The following MAGI2 variants were observed in gnomAD, a reference collection of about 807,000 sequenced individuals.
MAGI2 encodes membrane-associated guanylate kinase, WW and PDZ domain-containing protein 2.
In MAGI2, 35 loss-of-function variants were observed where a neutral mutation model predicts 133.3. The ratio of observed to expected loss-of-function variants is 0.26; its 90% CI spans 0.20 to 0.35. MAGI2 has a LOEUF of 0.35. Ranked by LOEUF, MAGI2 falls within the 10% of genes least tolerant of loss-of-function variation. The pLI is 1.00. For missense variants in MAGI2, 1,636 were observed against 1,863.4 expected, an observed-to-expected ratio of 0.88 and a Z score of 2.25; for synonymous variants, 729 against 710.6, an observed-to-expected ratio of 1.03 and a Z score of -0.41.
chr7:78,019,609 CGCCGCGTCT>C lies in MAGI2; in HGVS notation c.4065_4073del (p.Asp1359_Ala1361del), dbSNP rs1302912997. On this transcript the variant is annotated inframe_deletion, in exon 22 of 22. Transcript: ENST00000354212. ...CCTTCCCGCCCGCCCGCGCCGCGTC[CGCCGCGTCT>C]GCCGCCGCGAGCCCGGGCGCCCTGG... The C allele has an allele frequency of 4.1e-6, 4 of 983,338 alleles. No individual in the cohort carries two copies. The African/African-American group carries it at 7.1e-5, about 17-fold the overall frequency. 60.9% of individuals were successfully genotyped at this position (983,338 alleles called of 1,614,324 possible).
At chr7:79,330,114 G>A (rs1839955819) in intron 1 of MAGI2, among the ~76,000 whole-genome samples, 1 of 145,722 alleles carries the variant, frequency 6.9e-6, no homozygotes, top group Non-Finnish European at 1.5e-5. Flanking sequence ...CAAACTAAAC[G>A]TGCCATGAAG....
chr7:79,341,068 A>C (rs1272660576), intron 1 of MAGI2, among the ~76,000 whole-genome samples: 2 of 152,206 alleles, frequency 1.3e-5, no homozygotes, highest in Non-Finnish European at 2.9e-5. Context: ...ACAGGACTCT[A>C]GTGGAAAGAT....
At chr7:78,895,720 T>TTA (rs1797162074) in intron 2 of MAGI2, among the ~76,000 whole-genome samples, 1 of 152,188 alleles carries the variant, frequency 6.6e-6, no homozygotes. Context: ...ATCTGCATAT[T>TTA]CAAAAGGTTG....
rs1417746422 is a variant in MAGI2, at chr7:78,543,311, G to T, written c.539-21666C>A. On this transcript the variant is annotated intron_variant, in intron 3 of 21. Transcript: ENST00000354212. ...TCACAATGAACAGCTATTCAGTTCA[G>T]CTCCGTAATGACATTACTAGAGACA... is the stretch of plus-strand genomic sequence containing the variant. 2.6e-5 allele frequency among the ~76,000 whole-genome samples: 4 copies of T among 152,178 alleles called. No individual in the cohort carries two copies. In the East Asian group the frequency reaches 5.8e-4, roughly 22 times the overall value.
intron 2 of MAGI2, among the ~76,000 whole-genome samples, chr7:79,005,840 T>C (rs1314801780): frequency 6.6e-6 from 1 of 152,200 alleles, no homozygotes; most frequent in Non-Finnish European, 1.5e-5. Context: ...TGCACTTTTC[T>C]CAACTTCCAG....
At chr7:78,382,609 A>G (rs73701459) in intron 6 of MAGI2, among the ~76,000 whole-genome samples, 7,459 of 152,198 alleles carry the variant, frequency 0.049, 457 homozygotes, top group East Asian at 0.19. Context: ...TATATAATGC[A>G]TAGTGATCAA....
chr7:79,036,208 T>C (rs1027203723), intron 1 of MAGI2, among the ~76,000 whole-genome samples: 1 of 152,210 alleles, frequency 6.6e-6, no homozygotes, highest in East Asian at 1.9e-4. Flanking sequence ...TAGCATCTCA[T>C]TTCATCTAAA....
At chr7:79,446,434 C>A (rs1172505470) in intron 1 of MAGI2, among the ~76,000 whole-genome samples, 2 of 151,874 alleles carry the variant, frequency 1.3e-5, no homozygotes, top group Non-Finnish European at 2.9e-5. Context: ...CAAAGTATAG[C>A]AAGTATTTAG....
intron 1 of MAGI2, among the ~76,000 whole-genome samples, chr7:79,063,583 G>C (rs982264706): frequency 6.6e-6 from 1 of 151,896 alleles, no homozygotes; most frequent in African/African-American, 2.4e-5. Flanking sequence ...CAAAGGCATG[G>C]TTTTATTAAT....
chr7:78,916,543 A>G (rs1303966023), intron 2 of MAGI2, among the ~76,000 whole-genome samples: 1 of 152,156 alleles, frequency 6.6e-6, no homozygotes, highest in Non-Finnish European at 1.5e-5. Context: ...AATTCACCCT[A>G]TTTGAGGGTC....
At chr7:78,375,146 T>C (rs1056324715) in intron 6 of MAGI2, among the ~76,000 whole-genome samples, 4 of 152,160 alleles carry the variant, frequency 2.6e-5, no homozygotes, top group Non-Finnish European at 5.9e-5. Flanking sequence ...CCCAGGCTTC[T>C]GTTGATGTCT....
intron 2 of MAGI2, among the ~76,000 whole-genome samples, chr7:78,752,710 G>GCTAACTT (rs1366578338): frequency 6.6e-6 from 1 of 152,170 alleles, no homozygotes; most frequent in Non-Finnish European, 1.5e-5. Flanking sequence ...TGACTGCCTG[G>GCTAACTT]CTAACTTCTA....
chr7:78,515,565 G>A (rs1392014916), intron 4 of MAGI2, among the ~76,000 whole-genome samples: 1 of 152,064 alleles, frequency 6.6e-6, no homozygotes, highest in Non-Finnish European at 1.5e-5. Context: ...AATATTTAAA[G>A]GTATATGCTA....
At chr7:78,496,808 C>G (rs993403561) in intron 5 of MAGI2, among the ~76,000 whole-genome samples, 3 of 152,130 alleles carry the variant, frequency 2.0e-5, no homozygotes, top group African/African-American at 7.2e-5. Flanking sequence ...TGGAGACAGT[C>G]TACATCGCGT....
chr7:79,404,019 C>T (rs562346347), intron 1 of MAGI2, among the ~76,000 whole-genome samples: 2 of 152,146 alleles, frequency 1.3e-5, no homozygotes, highest in Non-Finnish European at 2.9e-5. Flanking sequence ...CTACTTAACT[C>T]TCCTGTCTAT....
At chr7:79,366,823 A>G (rs1348429848) in intron 1 of MAGI2, among the ~76,000 whole-genome samples, 1 of 152,138 alleles carries the variant, frequency 6.6e-6, no homozygotes, top group Non-Finnish European at 1.5e-5. Context: ...GAATTTTTTC[A>G]TAGGATATAT....
intron 1 of MAGI2, among the ~76,000 whole-genome samples, chr7:79,444,541 C>T (rs1042130075): frequency 6.6e-6 from 1 of 152,122 alleles, no homozygotes; most frequent in African/African-American, 2.4e-5. Context: ...AGAGTCAAAT[C>T]ATGAGTGAAC....
chr7:78,391,256 A>G (rs1232572274), intron 6 of MAGI2, among the ~76,000 whole-genome samples: 3 of 152,236 alleles, frequency 2.0e-5, no homozygotes, highest in African/African-American at 7.2e-5. Context: ...TTATACAGAA[A>G]GATATCAACA....
At chr7:78,107,970 A>G (rs1049716325) in intron 20 of MAGI2, among the ~76,000 whole-genome samples, 5 of 151,036 alleles carry the variant, frequency 3.3e-5, no homozygotes, top group African/African-American at 1.2e-4. Context: ...TTTCAATTTT[A>G]TTTATTTCTG....
Sources: allele counts gnomAD v4.1 joint callset (sites outside exome capture counted in the v4.1 genomes callset), GRCh38; gene constraint gnomAD v4.1.1; transcripts MANE v1.5; gene names NCBI Gene and HGNC (gene_info 2026-07-23, HGNC 2026-07-21).